OTC: variants seen among roughly 807,000 people sequenced by gnomAD.
OTC encodes ornithine transcarbamylase, also known as ornithine transcarbamylase, mitochondrial.
OTC carries 3 observed loss-of-function variants against 30.3 expected under a neutral mutation model. The observed-to-expected ratio is 0.10, with a 90% confidence interval of 0.05 to 0.26. OTC has a LOEUF of 0.26. OTC is among the 10% of genes least tolerant of loss of function. The pLI, the probability that OTC is intolerant of heterozygous loss-of-function variation, is 1.00. For synonymous variants in OTC, 111 were observed against 99.7 expected (o/e 1.11, Z -0.67); for missense variants, 194 against 260.3 (o/e 0.75, Z 1.75).
intron 1 of OTC, among the ~76,000 whole-genome samples, chrX:38,355,935 C>T (rs1042689223): frequency 9.1e-6 from 1 of 109,591 alleles, no homozygotes; most frequent in Non-Finnish European, 1.9e-5. Flanking sequence ...GTAGTCCCAG[C>T]TACTCAGGAG....
intron 1 of OTC, among the ~76,000 whole-genome samples, chrX:38,355,479 A>G (rs1007138647): frequency 8.9e-6 from 1 of 112,566 alleles, no homozygotes; most frequent in African/African-American, 3.2e-5. Flanking sequence ...AAATTTCTTC[A>G]GAGAATATTG....
intron 4 of OTC, among the ~76,000 whole-genome samples, chrX:38,390,031 T>G (rs1255416114): frequency 8.9e-6 from 1 of 112,047 alleles, no homozygotes; most frequent in African/African-American, 3.2e-5. Flanking sequence ...TGAACTTCCA[T>G]TAGCATATTT....
At chrX:38,415,532 A>T (rs2068566577) in intron 9 of OTC, among the ~76,000 whole-genome samples, 1 of 110,969 alleles carries the variant, frequency 9.0e-6, no homozygotes, top group African/African-American at 3.3e-5. Flanking sequence ...TTTAAATTTA[A>T]ATCTAAGCTA....
intron 9 of OTC, among the ~76,000 whole-genome samples, chrX:38,415,339 A>G (rs1474669223): frequency 3.7e-5 from 4 of 108,744 alleles, no homozygotes; most frequent in Non-Finnish European, 7.6e-5. Context: ...TCGGCCTCCC[A>G]AAGTGCTGGG....
intron 3 of OTC, among the ~76,000 whole-genome samples, chrX:38,380,132 C>A (rs1438657095): frequency 9.0e-6 from 1 of 111,635 alleles, no homozygotes; most frequent in African/African-American, 3.3e-5. Flanking sequence ...TCACACTGAA[C>A]AAAAATAATG....
At chrX:38,344,018 C>G in the OTC span, among the ~76,000 whole-genome samples, 1 of 110,850 alleles carries the variant, frequency 9.0e-6, no homozygotes, top group South Asian at 3.8e-4. Flanking sequence ...GACAAACTAC[C>G]ATTACCATTA....
intron 1 of OTC, among the ~76,000 whole-genome samples, chrX:38,355,155 A>C (rs1292717273): frequency 8.9e-6 from 1 of 111,829 alleles, no homozygotes. Context: ...GACATGATAA[A>C]ATAATAGCTT....
At chrX:38,381,075 G>A (rs1212680714) in intron 3 of OTC, among the ~76,000 whole-genome samples, 2 of 112,199 alleles carry the variant, frequency 1.8e-5, no homozygotes, top group Non-Finnish European at 1.9e-5. Context: ...GCCCCAAAGA[G>A]GGAATGATGC....
At chrX:38,356,455 C>T (rs1172986534) in intron 1 of OTC, among the ~76,000 whole-genome samples, 1 of 111,319 alleles carries the variant, frequency 9.0e-6, no homozygotes, top group Non-Finnish European at 1.9e-5. Context: ...TGAGGGGGAG[C>T]GGAATTTATT....
the OTC span, among the ~76,000 whole-genome samples, chrX:38,339,401 C>CT: frequency 9.0e-6 from 1 of 110,523 alleles, no homozygotes; most frequent in Non-Finnish European, 1.9e-5. Flanking sequence ...TAAGTGGTAG[C>CT]TTTTTTTAAA....
the OTC span, among the ~76,000 whole-genome samples, chrX:38,338,059 G>A: frequency 8.9e-6 from 1 of 112,178 alleles, no homozygotes; most frequent in East Asian, 2.8e-4. Flanking sequence ...ATCCTCTCAT[G>A]TATTTCCATG....
chrX:38,374,943 C>T (rs1396838612), intron 3 of OTC, among the ~76,000 whole-genome samples: 3 of 112,239 alleles, frequency 2.7e-5, no homozygotes, highest in Non-Finnish European at 5.6e-5. Flanking sequence ...CATTACGTTG[C>T]TTCATAGATA....
At chrX:38,342,790 T>C in the OTC span, among the ~76,000 whole-genome samples, 3 of 112,061 alleles carry the variant, frequency 2.7e-5, no homozygotes, top group Non-Finnish European at 5.6e-5. Flanking sequence ...CTTGTTTCTC[T>C]TGAATCTTGA....
intron 9 of OTC, among the ~76,000 whole-genome samples, chrX:38,418,880 C>A (rs2068581947): frequency 8.9e-6 from 1 of 111,860 alleles, no homozygotes; most frequent in South Asian, 3.8e-4. Flanking sequence ...ATAAATTTCC[C>A]AGTCTCGGGT....
At chrX:38,365,292 C>T (rs775646251) in intron 1 of OTC, among the ~76,000 whole-genome samples, 2 of 113,039 alleles carry the variant, frequency 1.8e-5, no homozygotes, top group South Asian at 3.6e-4. Flanking sequence ...ACACAGATAA[C>T]ACTAGGAATG....
At chrX:38,349,694 C>T (rs901528556), upstream of OTC, among the ~76,000 whole-genome samples, 1 of 112,376 alleles carries the variant, frequency 8.9e-6, no homozygotes, top group South Asian at 3.7e-4. Flanking sequence ...GTTACAGCAA[C>T]ACAAAATGGA....
the OTC span, among the ~76,000 whole-genome samples, chrX:38,341,406 C>T: frequency 8.9e-6 from 1 of 111,944 alleles, no homozygotes; most frequent in Admixed American, 9.5e-5. Flanking sequence ...GTGTTATTTT[C>T]ATATGGATTT....
At chrX:38,338,512 A>G in the OTC span, among the ~76,000 whole-genome samples, 1 of 112,337 alleles carries the variant, frequency 8.9e-6, no homozygotes, top group African/African-American at 3.2e-5. Context: ...AATAAAAAGG[A>G]TTTAGTGGGA....
chrX:38,418,233 G>A (rs1400854982), intron 9 of OTC, among the ~76,000 whole-genome samples: 1 of 111,652 alleles, frequency 9.0e-6, no homozygotes, highest in Non-Finnish European at 1.9e-5. Flanking sequence ...TTGCCCTAAT[G>A]ATTAATGATA....
Sources: gnomAD v4.1 joint callset for allele counts (sites outside exome capture counted in the v4.1 genomes callset) on GRCh38, gnomAD v4.1.1 for gene constraint, MANE v1.5 for transcripts, NCBI Gene and HGNC (gene_info 2026-07-23, HGNC 2026-07-21) for gene names.